The following SGSM1 variants were observed in gnomAD, a reference collection of about 807,000 sequenced individuals.
SGSM1 encodes the protein RUN and TBC1 domain containing 2.
SGSM1 carries 73 observed loss-of-function variants against 133.8 expected under a neutral mutation model. The observed-to-expected ratio is 0.55, with a 90% confidence interval of 0.45 to 0.66. The LOEUF (loss-of-function observed/expected upper bound fraction) is 0.66. Among genes scored for constraint, SGSM1 ranks in the 30% least tolerant of loss-of-function variants. SGSM1 has a pLI of 0.00. For synonymous variants in SGSM1, 563 were observed against 573.0 expected, an observed-to-expected ratio of 0.98 and a Z score of 0.25; for missense variants, 1,213 against 1,448.1, an observed-to-expected ratio of 0.84 and a Z score of 2.64.
chr22:24,810,302 A>T (rs1433810049), intron 2 of SGSM1, among the ~76,000 whole-genome samples: 1 of 151,000 alleles, frequency 6.6e-6, no homozygotes, highest in African/African-American at 2.4e-5. Flanking sequence ...CTGCGAGAAC[A>T]CCCACCACGT....
intron 2 of SGSM1, among the ~76,000 whole-genome samples, chr22:24,820,240 C>T (rs1928385447): frequency 6.6e-6 from 1 of 152,040 alleles, no homozygotes. Flanking sequence ...GAATCAGGCC[C>T]CGGGGGAGCC....
At chr22:24,835,675 A>G (rs1230908653) in intron 2 of SGSM1, among the ~76,000 whole-genome samples, 2 of 152,050 alleles carry the variant, frequency 1.3e-5, no homozygotes, top group Non-Finnish European at 2.9e-5. Flanking sequence ...AGGGAACAGG[A>G]ATTGCAGAGG....
At chr22:24,837,589 C>A (rs988654145) in intron 2 of SGSM1, among the ~76,000 whole-genome samples, 5 of 108,142 alleles carry the variant, frequency 4.6e-5, no homozygotes, top group Admixed American at 8.7e-5. Context: ...CCCCCCCCCC[C>A]CCTTTCCCAG....
intron 2 of SGSM1, among the ~76,000 whole-genome samples, chr22:24,821,934 A>C (rs1248935213): frequency 6.6e-6 from 1 of 152,010 alleles, no homozygotes; most frequent in African/African-American, 2.4e-5. Context: ...ATTATCCCTC[A>C]GAGTCTGCAG....
chr22:24,859,478 G>T (rs1218077532), intron 8 of SGSM1: 3 of 570,966 alleles, frequency 5.3e-6, no homozygotes, highest in East Asian at 3.8e-5. Flanking sequence ...AAGTGATGGG[G>T]GTGGGAGGCT....
At chr22:24,881,566 A>AGAAAC (rs1569161029) in intron 14 of SGSM1, among the ~76,000 whole-genome samples, 1 of 150,404 alleles carries the variant, frequency 6.6e-6, no homozygotes, top group East Asian at 1.9e-4. Context: ...ACTCCGTCTC[A>AGAAAC]AAAACAAAAC....
chr22:24,902,199 G>T (rs1601974781), intron 20 of SGSM1, among the ~76,000 whole-genome samples: 1 of 152,144 alleles, frequency 6.6e-6, no homozygotes, highest in Non-Finnish European at 1.5e-5. Flanking sequence ...TCCTCAACCC[G>T]ACGAGGTATT....
intron 21 of SGSM1, among the ~76,000 whole-genome samples, chr22:24,911,170 G>A (rs779025402): frequency 7.2e-5 from 11 of 151,992 alleles, no homozygotes; most frequent in South Asian, 6.2e-4. Context: ...TGCCAAGGTC[G>A]AGGCTGCAGT....
intron 18 of SGSM1, 81 bp from the exon 19 acceptor site, chr22:24,897,891 T>A: frequency 8.2e-7 from 1 of 1,225,016 alleles, no homozygotes; most frequent in Non-Finnish European, 1.2e-6. Flanking sequence ...GATCACCTGT[T>A]GTTGGATGTT....
chr22:24,872,577 T>C (rs1931818459), intron 12 of SGSM1, among the ~76,000 whole-genome samples: 1 of 152,254 alleles, frequency 6.6e-6, no homozygotes. Context: ...AATATATTGC[T>C]GGAATTGATT....
intron 9 of SGSM1, 31 bp from the exon 10 acceptor site, chr22:24,867,062 C>T: frequency 6.2e-7 from 1 of 1,609,228 alleles, no homozygotes; most frequent in East Asian, 2.2e-5. Context: ...AGGCAGAAGT[C>T]CTGCAAGCCT....
chr22:24,924,546 G>A lies in SGSM1; in HGVS notation c.*272G>A, dbSNP rs1167739582. ...CTTGCAGGAGGTGGAGGTTGTTGGT[G>A]GAGGAGGAGCCATCTTTGTTTGCTG... On this transcript the variant is annotated 3_prime_UTR_variant, in exon 25 of 25. Coordinates refer to ENST00000400358, the MANE Select transcript of SGSM1 (RefSeq NM_001098497.3). 1.3e-5 allele frequency: 6 copies of A among 477,220 alleles called. No individual in the cohort carries two copies. The highest frequency in any genetic ancestry group is 1.9e-5 in the Non-Finnish European group (5 of 263,772). The allele number at this position is 477,220 out of a possible 1,614,324, so 29.6% of individuals were successfully genotyped here. A position where few individuals can be genotyped will look rare whatever the true frequency, so the allele number is the denominator to read the frequency against.
In SGSM1 at chr22:24,868,734, T is replaced by G. The variant is rs1348033182; in HGVS notation, c.1170T>G (p.Phe390Leu). 1.2e-6 allele frequency: 2 copies of G among 1,613,838 alleles called. No homozygotes were observed. The highest frequency in any genetic ancestry group is 1.7e-5 in the Admixed American group (1 of 59,996). ...ACATGTTTTTGCAGGGCAAAGTGTT[T>G]CCTAAACTGCGCAAGCGAAGCCCTC... ...LWSQRGKGKV[F>L]PKLRKRSPQG... The change falls in exon 12 of 25, where the codon TTT becomes TTG. Residue 390 changes from phenylalanine (F) to leucine (L), a missense_variant. By Grantham distance (22) the Phe-to-Leu change is conservative. Coordinates refer to ENST00000400358, the MANE Select transcript of SGSM1 (RefSeq NM_001098497.3).
At chr22:24,807,353 C>G (rs1927466530) in intron 2 of SGSM1, among the ~76,000 whole-genome samples, 1 of 152,044 alleles carries the variant, frequency 6.6e-6, no homozygotes, top group Non-Finnish European at 1.5e-5. Context: ...CTAAGTGTAT[C>G]TCTTTGCACT....
chr22:24,816,739 A>G (rs1277181541), intron 2 of SGSM1, among the ~76,000 whole-genome samples: 2 of 152,184 alleles, frequency 1.3e-5, no homozygotes, highest in African/African-American at 2.4e-5. Context: ...AGGGGCGCCA[A>G]TGATGTCATC....
At chr22:24,923,243 C>T (rs540019430) in intron 24 of SGSM1, among the ~76,000 whole-genome samples, 1 of 152,254 alleles carries the variant, frequency 6.6e-6, no homozygotes, top group South Asian at 2.1e-4. Context: ...GGAGTATTCC[C>T]ACGCTTCCCT....
chr22:24,822,088 C>CTCTTTTTT lies in SGSM1; in HGVS notation c.63+15605_63+15606insCTTTTTTT, dbSNP rs1555920070. ...CCATGCTCTACCTGTTCATCTCTCT[C>CTCTTTTTT]TTTTTTTTTTTTTTTTTTTTGAGAC... On this transcript the variant is annotated intron_variant, in intron 2 of 24. Transcript: ENST00000400358. Among the ~76,000 whole-genome samples the CTCTTTTTT allele has an allele frequency of 8.0e-4, 77 of 96,126 alleles. 2 individuals are homozygous for CTCTTTTTT. Among genetic ancestry groups the CTCTTTTTT allele is most frequent in the African/African-American group, 2.5e-3 (65 of 26,168 alleles). 63.1% of individuals were successfully genotyped at this position (96,126 alleles called of 152,430 possible).
intron 2 of SGSM1, among the ~76,000 whole-genome samples, chr22:24,829,706 C>T (rs887650194): frequency 1.3e-5 from 2 of 152,276 alleles, no homozygotes; most frequent in African/African-American, 2.4e-5. Flanking sequence ...AAATCTGTGC[C>T]TCAGTTTCCC....
chr22:24,816,826 T>C (rs1373257503), intron 2 of SGSM1, among the ~76,000 whole-genome samples: 1 of 152,232 alleles, frequency 6.6e-6, no homozygotes, highest in East Asian at 1.9e-4. Flanking sequence ...TGTGGGGAGG[T>C]AGAGTGTTGC....
Sources: gnomAD v4.1 joint callset for allele counts (sites outside exome capture counted in the v4.1 genomes callset) on GRCh38, gnomAD v4.1.1 for gene constraint, MANE v1.5 for transcripts, NCBI Gene and HGNC (gene_info 2026-07-23, HGNC 2026-07-21) for gene names.